CPSF2: variants seen among roughly 807,000 people sequenced by gnomAD.
CPSF2 encodes cleavage and polyadenylation specific factor 2.
In CPSF2, 51 loss-of-function variants were observed where a neutral mutation model predicts 84.2. That is an observed-to-expected ratio of 0.61 (90% CI 0.48 to 0.77). The LOEUF is 0.77. CPSF2 is among the 30% of genes least tolerant of loss of function. The probability of loss-of-function intolerance (pLI) is 0.00; values close to 1 mark genes in which losing one functional copy is unlikely to be tolerated. For missense variants in CPSF2, 641 were observed against 929.4 expected, an observed-to-expected ratio of 0.69 and a Z score of 4.03; for synonymous variants, 286 against 311.9, an observed-to-expected ratio of 0.92 and a Z score of 0.87.
chr14:92,134,360 A>G lies in CPSF2; in HGVS notation c.415+5A>G. 6.3e-7 allele frequency: 1 copy of G among 1,587,560 alleles called. No individual in the cohort carries two copies. Among genetic ancestry groups the G allele is most frequent in the Non-Finnish European group, 8.6e-7 (1 of 1,158,564 alleles). On this transcript the variant is annotated splice_donor_5th_base_variant and intron_variant, in intron 5 of 15. Coordinates refer to ENST00000298875, the MANE Select transcript of CPSF2 (RefSeq NM_017437.3). ...CTCAGATTGTGAATTTGAAAGGTAA[A>G]AAGAATTTCCAGTAGTAAGTATTTA... is the stretch of plus-strand genomic sequence containing the variant.
rs1192400561 is a variant in CPSF2, at chr14:92,165,936, A to G, written c.*4192A>G. Reference sequence around the variant, plus strand: ...GAGTGCAGTGGCGCGGTCTCAGCTCACTGCAACCTCTGCCTCCCAGATTAA... The same window carrying G: ...GAGTGCAGTGGCGCGGTCTCAGCTCGCTGCAACCTCTGCCTCCCAGATTAA... On this transcript the variant is annotated 3_prime_UTR_variant, in exon 16 of 16. Coordinates refer to ENST00000298875, the MANE Select transcript of CPSF2 (RefSeq NM_017437.3). The G allele has an allele frequency of 2.3e-5, 3 of 130,592 alleles. No individual in the cohort carries two copies. Among genetic ancestry groups the G allele is most frequent in the African/African-American group, 8.9e-5 (3 of 33,662 alleles). The allele number at this position is 130,592 out of a possible 1,614,324, so 8.1% of individuals were successfully genotyped here. A position where few individuals can be genotyped will look rare whatever the true frequency, so the allele number is the denominator to read the frequency against.
Position 92,169,361 on chromosome 14 carries a change from A to T in CPSF2, c.*7617A>T, listed in dbSNP as rs1308611075. 1 of 152,212 alleles carries T rather than the reference A, an allele frequency of 6.6e-6. No homozygotes were observed. Among genetic ancestry groups the T allele is most frequent in the Non-Finnish European group, 1.5e-5 (1 of 68,050 alleles). 9.4% of individuals were successfully genotyped at this position (152,212 alleles called of 1,614,324 possible). On this transcript the variant is annotated 3_prime_UTR_variant, in exon 16 of 16. Transcript: ENST00000298875. Reference sequence around the variant, plus strand: ...AAAGGACTTTAAAAACCCTCTCAGGACAAACATTTGCTACCGTGGTTGATT... The same window carrying T: ...AAAGGACTTTAAAAACCCTCTCAGGTCAAACATTTGCTACCGTGGTTGATT...
intron 8 of CPSF2, 118 bp downstream of exon 8, chr14:92,142,469 G>A: frequency 1.3e-6 from 1 of 751,322 alleles, no homozygotes; most frequent in Non-Finnish European, 2.2e-6. Flanking sequence ...TTAATAAGAT[G>A]ATAACTTGGC....
At chr14:92,130,498 G>T (rs1013067671) in intron 2 of CPSF2, among the ~76,000 whole-genome samples, 1 of 152,114 alleles carries the variant, frequency 6.6e-6, no homozygotes, top group Admixed American at 6.6e-5. Flanking sequence ...ATTTATTGAG[G>T]AACTTGGATG....
intron 15 of CPSF2, 71 bp downstream of exon 15, chr14:92,161,317 A>G: frequency 6.7e-7 from 1 of 1,502,896 alleles, no homozygotes; most frequent in Non-Finnish European, 8.9e-7. Context: ...AAATTCTGTA[A>G]TTCTTGTTTG....
At position 92,167,049 on chromosome 14, in the gene CPSF2, T is replaced by C. The variant is rs1164778496; in HGVS notation, c.*5305T>C. The C allele has an allele frequency of 4.0e-5, 6 of 150,958 alleles. No homozygotes were observed. The highest frequency in any genetic ancestry group is 4.0e-4 in the Admixed American group (6 of 15,136). The allele number at this position is 150,958 out of a possible 1,614,324, so 9.4% of individuals were successfully genotyped here. ...TTTTTTGAGATAGCATCTTGCTTTG[T>C]CACCCAGGCTGGAGTGCTATGGCTC... is the stretch of plus-strand genomic sequence containing the variant. On this transcript the variant is annotated 3_prime_UTR_variant, in exon 16 of 16. Coordinates refer to ENST00000298875, the MANE Select transcript of CPSF2 (RefSeq NM_017437.3).
chr14:92,150,373 C>T (rs556486776), intron 9 of CPSF2, among the ~76,000 whole-genome samples: 21 of 151,900 alleles, frequency 1.4e-4, no homozygotes, highest in Admixed American at 5.2e-4. Flanking sequence ...CCACCTGCCT[C>T]GGCCTCCCAA....
In CPSF2 at chr14:92,168,735, C is replaced by T. The variant is rs1243977132; in HGVS notation, c.*6991C>T. On this transcript the variant is annotated 3_prime_UTR_variant, in exon 16 of 16. Transcript: ENST00000298875. ...TGGGGAACATGGTAAAACCCTGTCT[C>T]TACAAAAAATAGAAAAATTAGCTGG... 1 of 152,066 alleles carries T rather than the reference C, an allele frequency of 6.6e-6. No homozygotes were observed. Among genetic ancestry groups the T allele is most frequent in the African/African-American group, 2.4e-5 (1 of 41,374 alleles). The allele number at this position is 152,066 out of a possible 1,614,324, so 9.4% of individuals were successfully genotyped here. A position where few individuals can be genotyped will look rare whatever the true frequency, so the allele number is the denominator to read the frequency against.
chr14:92,128,503 C>T (rs2068871014), intron 2 of CPSF2, among the ~76,000 whole-genome samples: 1 of 152,154 alleles, frequency 6.6e-6, no homozygotes, highest in South Asian at 2.1e-4. Context: ...AATAGCACAG[C>T]TGTAATTCTC....
chr14:92,146,645 T>C (rs2069148187), intron 9 of CPSF2, among the ~76,000 whole-genome samples: 1 of 152,204 alleles, frequency 6.6e-6, no homozygotes, highest in Admixed American at 6.5e-5. Context: ...GTAGCAAAAC[T>C]GAAACTCTGT....
At chr14:92,143,341 C>T in intron 9 of CPSF2, 47 bp downstream of exon 9, 1 of 1,228,696 alleles carries the variant, frequency 8.1e-7, no homozygotes. Context: ...TTGGGGGATA[C>T]ATTGTGCATG....
intron 9 of CPSF2, among the ~76,000 whole-genome samples, chr14:92,147,507 A>G (rs2069158543): frequency 6.6e-6 from 1 of 152,204 alleles, no homozygotes; most frequent in African/African-American, 2.4e-5. Flanking sequence ...AATGAAAAAT[A>G]AGATGGAGAT....
At chr14:92,161,625 A>G (rs781400115) in intron 15 of CPSF2, 27 bp from the exon 16 acceptor site, 1 of 1,504,122 alleles carries the variant, frequency 6.6e-7, no homozygotes, top group Non-Finnish European at 9.0e-7. Flanking sequence ...AAAATGTACT[A>G]AAGAATTTTT....
Position 92,138,343 on chromosome 14 carries a change from T to C in CPSF2, c.657T>C (p.Leu219=). Reference sequence around the variant, plus strand: ...GAAGAAAACAGAGAGATGAGCAGCTTCTGAGTACGTATTCTTTCACGTCCT... The same window carrying C: ...GAAGAAAACAGAGAGATGAGCAGCTCCTGAGTACGTATTCTTTCACGTCCT... ...QPRRKQRDEQ[L]LTNVLETLRG... The change falls in exon 7 of 16, where the codon CTT becomes CTC. Residue 219 remains leucine, a synonymous_variant. Transcript: ENST00000298875. 1 of 1,487,492 alleles carries C rather than the reference T, an allele frequency of 6.7e-7. No individual in the cohort carries two copies. Among genetic ancestry groups the C allele is most frequent in the South Asian group, 1.2e-5 (1 of 80,560 alleles). The allele number at this position is 1,487,492 out of a possible 1,614,324, so 92.1% of individuals were successfully genotyped here. A position where few individuals can be genotyped will look rare whatever the true frequency, so the allele number is the denominator to read the frequency against.
Position 92,166,663 on chromosome 14 carries a change from A to G in CPSF2, c.*4919A>G, listed in dbSNP as rs928387391. On this transcript the variant is annotated 3_prime_UTR_variant, in exon 16 of 16. Transcript: ENST00000298875. ...CACCATTCCTGGCATTAATTTTTGTATATGGTGTGAGGTAGGGGTCCAGTT... is the reference window on the plus strand; with the variant it reads ...CACCATTCCTGGCATTAATTTTTGTGTATGGTGTGAGGTAGGGGTCCAGTT... 3 of 151,978 alleles carry G rather than the reference A, an allele frequency of 2.0e-5. No individual in the cohort carries two copies. Among genetic ancestry groups the G allele is most frequent in the Non-Finnish European group, 4.4e-5 (3 of 67,982 alleles). 9.4% of individuals were successfully genotyped at this position (151,978 alleles called of 1,614,324 possible).
intron 10 of CPSF2, 118 bp from the exon 11 acceptor site, chr14:92,155,005 A>G (rs1222460523): frequency 5.7e-6 from 4 of 696,014 alleles, no homozygotes; most frequent in African/African-American, 3.6e-5. Flanking sequence ...ATAACTGTAT[A>G]TTATCATTTA....
At chr14:92,149,342 G>A (rs2069182446) in intron 9 of CPSF2, among the ~76,000 whole-genome samples, 1 of 152,174 alleles carries the variant, frequency 6.6e-6, no homozygotes, top group African/African-American at 2.4e-5. Flanking sequence ...AACACTTTGC[G>A]AGGCTAAGAT....
chr14:92,155,070 T>C, intron 10 of CPSF2, 53 bp from the exon 11 acceptor site: 2 of 1,162,908 alleles, frequency 1.7e-6, no homozygotes, highest in Non-Finnish European at 2.5e-6. Flanking sequence ...TAAATATTAA[T>C]TTAAAATATC....
In CPSF2 at chr14:92,123,985, G is replaced by A. The variant is rs1486172052; in HGVS notation, c.-94+1857G>A. On this transcript the variant is annotated intron_variant, in intron 1 of 15. Coordinates refer to ENST00000298875, the MANE Select transcript of CPSF2 (RefSeq NM_017437.3). Reference sequence around the variant, plus strand: ...GGCAACAAAAAGGCTTTATAAAGGAGTAAATATGTGAGCTGGGTCATATAG... The same window carrying A: ...GGCAACAAAAAGGCTTTATAAAGGAATAAATATGTGAGCTGGGTCATATAG... Among the ~76,000 whole-genome samples, 7 of 152,216 alleles carry A rather than the reference G, an allele frequency of 4.6e-5. No individual in the cohort carries two copies. The East Asian group carries it at 1.3e-3, about 29-fold the overall frequency.
Sources: allele counts gnomAD v4.1 joint callset (sites outside exome capture counted in the v4.1 genomes callset), GRCh38; gene constraint gnomAD v4.1.1; transcripts MANE v1.5; gene names NCBI Gene and HGNC (gene_info 2026-07-23, HGNC 2026-07-21).